Variants in DNAH14 observed in about 807,000 individuals in gnomAD.
DNAH14 encodes the protein axonemal beta dynein heavy chain 14.
A neutral mutation model predicts 520.9 loss-of-function variants in DNAH14; 478 were observed. The observed-to-expected ratio is 0.92, with a 90% CI of 0.85 to 0.99. DNAH14 has a LOEUF of 0.99. DNAH14 is among the 50% of genes least tolerant of loss of function. The pLI is 0.00. For synonymous variants in DNAH14, 1,581 were observed against 1,757.2 expected (o/e 0.90, Z 2.51); for missense variants, 4,831 against 5,234.5 (o/e 0.92, Z 2.38).
chr1:224,930,397 A>C (rs897510672), intron 1 of DNAH14, among the ~76,000 whole-genome samples: 3 of 152,170 alleles, frequency 2.0e-5, no homozygotes, highest in African/African-American at 7.2e-5. Context: ...TGTGCCTCAT[A>C]ACAGCGGTAG....
In DNAH14 at chr1:225,144,775, T is replaced by C. The variant is rs528442414; in HGVS notation, c.4740+147T>C. ...CATTAACTCACATATAATTAATTCA[T>C]CAATGATGTTTTGAATGCCTATTGT... is the stretch of plus-strand genomic sequence containing the variant. On this transcript the variant is annotated intron_variant, in intron 29 of 85. Coordinates refer to ENST00000682510, the MANE Select transcript of DNAH14 (RefSeq NM_001367479.1). The C allele has an allele frequency of 3.2e-4, 221 of 681,574 alleles. No homozygotes were observed. The African/African-American group carries it at 3.6e-3, about 11-fold the overall frequency. 42.2% of individuals were successfully genotyped at this position (681,574 alleles called of 1,614,324 possible).
At chr1:225,334,410 C>T (rs2094868209) in intron 66 of DNAH14, among the ~76,000 whole-genome samples, 1 of 152,114 alleles carries the variant, frequency 6.6e-6, no homozygotes, top group Admixed American at 6.5e-5. Flanking sequence ...GTGGGAGGAT[C>T]ACATGAGCCC....
At chr1:225,273,204 G>T in intron 52 of DNAH14, 79 bp downstream of exon 52, 1 of 1,403,746 alleles carries the variant, frequency 7.1e-7, no homozygotes, top group Non-Finnish European at 9.4e-7. Context: ...AGGCCGAAGC[G>T]GGCAGATCAC....
At chr1:225,241,105 A>G (rs1477865485) in intron 43 of DNAH14, among the ~76,000 whole-genome samples, 1 of 152,138 alleles carries the variant, frequency 6.6e-6, no homozygotes, top group Non-Finnish European at 1.5e-5. Flanking sequence ...GTGTTTCTGG[A>G]TCTGTATTAT....
At chr1:224,941,511 C>T (rs2059419132) in intron 1 of DNAH14, among the ~76,000 whole-genome samples, 1 of 152,152 alleles carries the variant, frequency 6.6e-6, no homozygotes, top group African/African-American at 2.4e-5. Flanking sequence ...TGTGCAGAAG[C>T]TCTTTAGTTT....
At position 225,117,947 on chromosome 1, in the gene DNAH14, C is replaced by T. The variant is rs1304722899; in HGVS notation, c.4039C>T (p.Pro1347Ser). 3.2e-6 allele frequency: 5 copies of T among 1,551,502 alleles called. No individual in the cohort carries two copies. In the South Asian group the frequency reaches 4.8e-5, roughly 15 times the overall value. Reference protein sequence around the residue: ...LLIWKQDIGPPAVKMLISAEG... With the variant: ...LLIWKQDIGPSAVKMLISAEG... The stretch of plus-strand genomic sequence containing the variant: ...GATATGGAAACAAGACATTGGCCCT[C>T]CTGCTGTAAAAATGCTAATATCTGC... Residue 1347 changes from proline to serine, a missense_variant, in exon 25 of 86, where the codon CCT (proline) becomes TCT (serine). Pro to Ser is a moderately conservative substitution (Grantham distance 74). Transcript: ENST00000682510.
At position 225,322,674 on chromosome 1, in the gene DNAH14, C is replaced by T. The variant is rs1385345055; in HGVS notation, c.9346C>T (p.Arg3116Trp). ...ADVAELRVYT[R>W]PPFLVLTVMN... ...CATCATCTATTACAGAGTATACACA[C>T]GGCCTCCCTTCCTTGTACTGACTGT... is the stretch of plus-strand genomic sequence containing the variant. Residue 3116 changes from arginine (R) to tryptophan (W), a missense_variant, in exon 62 of 86, where the codon CGG (arginine) becomes TGG (tryptophan). Transcript: ENST00000682510. The T allele has an allele frequency of 1.3e-5, 20 of 1,538,594 alleles. No individual in the cohort carries two copies. The South Asian group carries it at 2.2e-4, about 17-fold the overall frequency.
At chr1:225,244,701 C>T (rs781138437) in intron 43 of DNAH14, among the ~76,000 whole-genome samples, 2 of 152,080 alleles carry the variant, frequency 1.3e-5, no homozygotes, top group South Asian at 2.1e-4. Flanking sequence ...GGTGATATCC[C>T]CTTCATCATT....
intron 49 of DNAH14, among the ~76,000 whole-genome samples, chr1:225,267,412 G>T (rs1309400790): frequency 4.7e-5 from 7 of 150,176 alleles, no homozygotes; most frequent in African/African-American, 1.7e-4. Context: ...TCCTGCCTCA[G>T]CCTCCCTAGT....
intron 40 of DNAH14, 48 bp from the exon 41 acceptor site, chr1:225,206,920 A>T: frequency 7.3e-7 from 1 of 1,377,368 alleles, no homozygotes; most frequent in Non-Finnish European, 9.5e-7. Flanking sequence ...GAAGGATACC[A>T]TATTTTTATT....
intron 75 of DNAH14, among the ~76,000 whole-genome samples, chr1:225,362,585 A>AG (rs2095505428): frequency 6.6e-6 from 1 of 151,964 alleles, no homozygotes; most frequent in South Asian, 2.1e-4. Context: ...AAAAAAAAAA[A>AG]AAAATGCTCA....
At chr1:225,238,870 G>A (rs2091786938) in intron 42 of DNAH14, among the ~76,000 whole-genome samples, 1 of 152,082 alleles carries the variant, frequency 6.6e-6, no homozygotes, top group Admixed American at 6.5e-5. Context: ...ATGAATTGGG[G>A]GTCCCTCTTA....
At chr1:225,294,800 G>T (rs938259590) in intron 55 of DNAH14, among the ~76,000 whole-genome samples, 1 of 149,306 alleles carries the variant, frequency 6.7e-6, no homozygotes, top group Non-Finnish European at 1.5e-5. Context: ...CTCCAGCCTG[G>T]GTGACAGAGT....
At position 225,354,038 on chromosome 1, in the gene DNAH14, C is replaced by T. The variant is rs540439395; in HGVS notation, c.11619+150C>T. The T allele has an allele frequency of 6.3e-4, 420 of 666,786 alleles. 1 individual carries two copies. The highest frequency in any genetic ancestry group is 3.3e-3 in the Middle Eastern group (10 of 3,064). 41.3% of individuals were successfully genotyped at this position (666,786 alleles called of 1,614,324 possible). On this transcript the variant is annotated intron_variant, in intron 73 of 85. Transcript: ENST00000682510. ...TAATAGGAGAGGGAAGCACCTACGC[C>T]TCCCCTTAATGCTTCTTTCATGTGG...
At chr1:225,166,308 A>G (rs938661302) in intron 35 of DNAH14, among the ~76,000 whole-genome samples, 1 of 152,232 alleles carries the variant, frequency 6.6e-6, no homozygotes, top group Non-Finnish European at 1.5e-5. Context: ...AGTTTTCTAT[A>G]TAAACACACC....
chr1:225,265,123 G>A, intron 47 of DNAH14, 59 bp from the exon 48 acceptor site: 1 of 1,209,630 alleles, frequency 8.3e-7, no homozygotes, highest in African/African-American at 1.6e-5. Flanking sequence ...TTAAAATAAG[G>A]CAAAAATGTT....
intron 64 of DNAH14, among the ~76,000 whole-genome samples, chr1:225,328,406 T>C (rs761263956): frequency 2.8e-4 from 43 of 152,260 alleles, no homozygotes; most frequent in Non-Finnish European, 5.1e-4. Context: ...AACCACAGGC[T>C]TCATGAGAAG....
chr1:225,011,360 A>G (rs1256953012), intron 10 of DNAH14, among the ~76,000 whole-genome samples: 1 of 152,050 alleles, frequency 6.6e-6, no homozygotes, highest in Non-Finnish European at 1.5e-5. Context: ...TCATTTACCC[A>G]GTAGTCATTC....
At chr1:224,947,872 A>C (rs1342656952) in intron 1 of DNAH14, among the ~76,000 whole-genome samples, 2 of 151,662 alleles carry the variant, frequency 1.3e-5, no homozygotes, top group African/African-American at 2.4e-5. Flanking sequence ...TTCTACTCTA[A>C]TTGTATTGTG....
Sources: allele counts gnomAD v4.1 joint callset (sites outside exome capture counted in the v4.1 genomes callset), GRCh38; gene constraint gnomAD v4.1.1; transcripts MANE v1.5; gene names NCBI Gene and HGNC (gene_info 2026-07-23, HGNC 2026-07-21).